Variants in SEZ6L2 observed in about 807,000 individuals in gnomAD.
SEZ6L2 encodes the protein seizure 6-like protein 2.
Under a neutral mutation model 97.0 loss-of-function variants are expected in SEZ6L2, and 44 were observed. That is an observed-to-expected ratio of 0.45 (90% CI 0.36 to 0.58). SEZ6L2 has a LOEUF of 0.58. Ranked by LOEUF, SEZ6L2 falls within the 20% of genes least tolerant of loss-of-function variation. The probability of loss-of-function intolerance (pLI) is 0.00; values close to 1 mark genes in which losing one functional copy is unlikely to be tolerated. For synonymous variants in SEZ6L2, 543 were observed against 546.1 expected (o/e 0.99, Z 0.08); for missense variants, 1,086 against 1,233.3 (o/e 0.88, Z 1.79).
In SEZ6L2 at chr16:29,895,336, C is replaced by G; in HGVS notation, c.776G>C (p.Ser259Thr). 1.2e-6 allele frequency: 2 copies of G among 1,614,152 alleles called. No individual in the cohort carries two copies. The highest frequency in any genetic ancestry group is 1.7e-6 in the Non-Finnish European group (2 of 1,180,032). ...SMLGEGQVLR[S>T]PTNRLLLHFQ... ...GTGCAGAAGCAGCCGGTTGGTTGGG[C>G]TCCGAAGGACTTGTCCTTCTCCAAG... The change falls in exon 5 of 18, where the codon AGC (serine) becomes ACC (threonine). Residue 259 changes from serine (S) to threonine (T), a missense_variant. Ser to Thr is a moderately conservative substitution (Grantham distance 58). Coordinates refer to ENST00000617533, the MANE Select transcript of SEZ6L2 (RefSeq NM_001243332.2).
Position 29,873,338 on chromosome 16 carries a change from A to G in SEZ6L2, c.2390T>C (p.Phe797Ser). The G allele has an allele frequency of 6.2e-7, 1 of 1,614,230 alleles. No homozygotes were observed. The highest frequency in any genetic ancestry group is 8.5e-7 in the Non-Finnish European group (1 of 1,180,040). ...HHYQAGESLR[F>S]FCYEGFELIG... is the part of the protein sequence containing the mutation. ...AAGCTCAAAGCCCTCATAGCAGAAG[A>G]AGCGCAGAGACTCGCCCGCCTGGTA... Residue 797 changes from phenylalanine to serine, a missense_variant, in exon 14 of 18, where the codon TTC becomes TCC. Phe to Ser is a radical substitution (Grantham distance 155, BLOSUM62 -2). Transcript: ENST00000617533. The surrounding 1 kb of genome is among the most constrained non-coding windows in gnomAD (Gnocchi z 4.3).
In SEZ6L2 at chr16:29,882,691, G is replaced by A. The variant is rs780927528; in HGVS notation, c.1373-2627C>T. On this transcript the variant is annotated intron_variant, in intron 8 of 17. Transcript: ENST00000617533. ...CAGCCTTGACCTCCTGAGCTCAAGC[G>A]ATCCTCCTGCCTCAGCCTCCCAAGC... Among the ~76,000 whole-genome samples the A allele has an allele frequency of 7.9e-5, 12 of 152,090 alleles. No homozygotes were observed. In the Middle Eastern group the frequency reaches 0.01, roughly 129 times the overall value.
intron 3 of SEZ6L2, among the ~76,000 whole-genome samples, chr16:29,896,532 C>T (rs1477573996): frequency 3.9e-5 from 6 of 152,170 alleles, no homozygotes; most frequent in African/African-American, 1.4e-4. Context: ...GCCCGCCTGG[C>T]CTCCCAAAGT....
At chr16:29,877,600 G>T in intron 10 of SEZ6L2, 133 bp from the exon 11 acceptor site, 1 of 830,632 alleles carries the variant, frequency 1.2e-6, no homozygotes, top group Non-Finnish European at 1.8e-6. Context: ...CCTATCCCAG[G>T]TCTGGCGCCG....
At chr16:29,896,662 C>T (rs763522234) in intron 3 of SEZ6L2, among the ~76,000 whole-genome samples, 160 bp downstream of exon 3, 1 of 152,162 alleles carries the variant, frequency 6.6e-6, no homozygotes, top group Non-Finnish European at 1.5e-5. Flanking sequence ...TGGAACACTG[C>T]CTGGTACATA....
intron 8 of SEZ6L2, among the ~76,000 whole-genome samples, chr16:29,885,070 C>T (rs1388528083): frequency 2.8e-5 from 4 of 142,684 alleles, no homozygotes; most frequent in South Asian, 2.2e-4. Context: ...TAGTCGGGCG[C>T]GGTGGCGGGT....
chr16:29,885,331 CT>C (rs1416518836), intron 8 of SEZ6L2, among the ~76,000 whole-genome samples: 2 of 152,154 alleles, frequency 1.3e-5, no homozygotes, highest in African/African-American at 2.4e-5. Context: ...AACCGAGATA[CT>C]GAGATAACTG....
In SEZ6L2 at chr16:29,877,395, C is replaced by G. The variant is rs1273870223; in HGVS notation, c.1785G>C (p.Gln595His). 2 of 1,613,300 alleles carry G rather than the reference C, an allele frequency of 1.2e-6. No individual in the cohort carries two copies. The highest frequency in any genetic ancestry group is 4.5e-5 in the East Asian group (2 of 44,874). The change falls in exon 11 of 18, where the codon CAG (glutamine) becomes CAC (histidine). Residue 595 changes from glutamine to histidine, a missense_variant. Around this residue, in one of 2 missense-constraint regions of SEZ6L2, gnomAD observed 776 missense variants for 794.7 expected, o/e 0.98. Coordinates refer to ENST00000617533, the MANE Select transcript of SEZ6L2 (RefSeq NM_001243332.2). ...GDGPSARVLA[Q>H]LRGPQPRRRL... ...GGCGGCGCGGCTGAGGTCCCCGCAG[C>G]TGGGCCAAGACTCGGGCGCTGGGAC...
In SEZ6L2 at chr16:29,897,982, G is replaced by C; in HGVS notation, c.82C>G (p.Leu28Val). Reference sequence around the variant, plus strand: ...AATATCTCCTCCTCCTTCAGGGGCAGACCTAGGAGGTGAAGTTGTGTGAGC... The same window carrying C: ...AATATCTCCTCCTCCTTCAGGGGCACACCTAGGAGGTGAAGTTGTGTGAGC... ...ILLSCPWIQG[L>V]PLKEEEILPE... Residue 28 changes from leucine to valine, a missense_variant and splice_region_variant, in exon 2 of 18, where the codon CTG (leucine) becomes GTG (valine). Leu to Val is a conservative substitution (Grantham distance 32). Coordinates refer to ENST00000617533, the MANE Select transcript of SEZ6L2 (RefSeq NM_001243332.2). The C allele has an allele frequency of 6.2e-7, 1 of 1,612,924 alleles. No individual in the cohort carries two copies. The highest frequency in any genetic ancestry group is 1.1e-5 in the South Asian group (1 of 90,948).
intron 8 of SEZ6L2, among the ~76,000 whole-genome samples, chr16:29,883,211 A>G (rs531425255): frequency 2.6e-5 from 4 of 151,772 alleles, no homozygotes; most frequent in Non-Finnish European, 4.4e-5. Flanking sequence ...TGTTTATACA[A>G]CTCCTCTGTT....
chr16:29,897,026 G>C lies in SEZ6L2; in HGVS notation c.307C>G (p.Leu103Val). ...PRATEPGTGP[L>V]TTAVTPNGVR... is the part of the protein sequence containing the mutation. ...CCGTTAGGGGTGACGGCTGTTGTCA[G>C]AGGCCCTGTCCCCGGCTCAGTGGCC... Residue 103 changes from leucine (L) to valine (V), a missense_variant, in exon 3 of 18, where the codon CTG becomes GTG. This residue lies in a region of SEZ6L2 where 776 missense variants were observed against 794.7 expected (regional missense o/e 0.98). Transcript: ENST00000617533. 6.3e-7 allele frequency: 1 copy of C among 1,581,746 alleles called. No individual in the cohort carries two copies. The highest frequency in any genetic ancestry group is 2.3e-5 in the East Asian group (1 of 43,930).
chr16:29,873,662 G>C lies in SEZ6L2; in HGVS notation c.2172C>G (p.Pro724=). 1 of 1,613,438 alleles carries C rather than the reference G, an allele frequency of 6.2e-7. No homozygotes were observed. The highest frequency in any genetic ancestry group is 8.5e-7 in the Non-Finnish European group (1 of 1,179,862). ...AGCGGTACTGGACGTGGGAGCCAAC[G>C]GGGAAGCCGGCGTCCGAGGCGGTGC... is the stretch of plus-strand genomic sequence containing the variant. ...GHRTASDAGF[P]VGSHVQYRCL... Residue 724 remains proline, a synonymous_variant, in exon 13 of 18, where the codon CCC becomes CCG. Transcript: ENST00000617533. The surrounding 1 kb of genome is among the most constrained non-coding windows in gnomAD (Gnocchi z 4.3).
intron 8 of SEZ6L2, 41 bp downstream of exon 8, chr16:29,885,545 G>A (rs781612883): frequency 1.1e-5 from 17 of 1,591,296 alleles, no homozygotes; most frequent in Non-Finnish European, 1.5e-5. Flanking sequence ...AAGAGGGGAA[G>A]GTGTGGCGGT....
In SEZ6L2 at chr16:29,897,856, G is replaced by A. The variant is rs760307720; in HGVS notation, c.208C>T (p.Pro70Ser). 6.2e-7 allele frequency: 1 copy of A among 1,602,296 alleles called. No homozygotes were observed. Residue 70 changes from proline to serine, a missense_variant, in exon 2 of 18, where the codon CCA becomes TCA. Physicochemically the swap from Pro to Ser is moderately conservative, Grantham distance 74 (BLOSUM62 -1). Around this residue, in one of 2 missense-constraint regions of SEZ6L2, gnomAD observed 776 missense variants for 794.7 expected, o/e 0.98. Transcript: ENST00000617533. ...LRRGPEMGYL[P>S]GSDRDPTLAT... ...CCTGCCACTCTGGGGGCCTCACCTG[G>A]CAGGTAGCCCATCTCTGGGCCCCTC...
rs1163553226 is a variant in SEZ6L2 at position 29,871,363 on chromosome 16, T to G, written c.*336A>C. 2 of 423,512 alleles carry G rather than the reference T, an allele frequency of 4.7e-6. No individual in the cohort carries two copies. Among genetic ancestry groups the G allele is most frequent in the African/African-American group, 2.0e-5 (1 of 50,028 alleles). The allele number at this position is 423,512 out of a possible 1,614,324, so 26.2% of individuals were successfully genotyped here. Reference sequence around the variant, plus strand: ...GGCACCTTCGTGGCCAAGGGAACAGTAGAGCTATCGGGGGCAGTCCTTGAG... The same window carrying G: ...GGCACCTTCGTGGCCAAGGGAACAGGAGAGCTATCGGGGGCAGTCCTTGAG... On this transcript the variant is annotated 3_prime_UTR_variant, in exon 18 of 18. Transcript: ENST00000617533.
chr16:29,873,274 G>A lies in SEZ6L2; in HGVS notation c.2454C>T (p.Pro818=). Residue 818 remains proline, a synonymous_variant, in exon 14 of 18, where the codon CCC becomes CCT. Coordinates refer to ENST00000617533, the MANE Select transcript of SEZ6L2 (RefSeq NM_001243332.2). This position sits in a 1 kb window ranked among gnomAD's most constrained non-coding sequence, Gnocchi z 4.3. ...EVTITCVPGH[P]SQWTSQPPLC... ...GTGGGGGCTGGCTGGTCCACTGGGA[G>A]GGGTGGCCGGGCACACAGGTGATGG... The A allele has an allele frequency of 6.2e-7, 1 of 1,614,086 alleles. No homozygotes were observed. Among genetic ancestry groups the A allele is most frequent in the Non-Finnish European group, 8.5e-7 (1 of 1,179,994 alleles).
Position 29,895,332 on chromosome 16 carries a change from T to C in SEZ6L2, c.780A>G (p.Pro260=). ...MLGEGQVLRS[P]TNRLLLHFQS... Reference sequence around the variant, plus strand: ...GGAAGTGCAGAAGCAGCCGGTTGGTTGGGCTCCGAAGGACTTGTCCTTCTC... The same window carrying C: ...GGAAGTGCAGAAGCAGCCGGTTGGTCGGGCTCCGAAGGACTTGTCCTTCTC... Residue 260 remains proline, a synonymous_variant, in exon 5 of 18, where the codon CCA becomes CCG. Transcript: ENST00000617533. The C allele has an allele frequency of 6.2e-7, 1 of 1,614,092 alleles. No individual in the cohort carries two copies.
Position 29,876,765 on chromosome 16 carries a change from A to C in SEZ6L2, c.2095T>G (p.Cys699Gly), listed in dbSNP as rs2067912961. The change falls in exon 12 of 18, where the codon TGC (cysteine) becomes GGC (glycine). Residue 699 changes from cysteine to glycine, a missense_variant. Around this residue, in one of 2 missense-constraint regions of SEZ6L2, gnomAD observed 310 missense variants for 438.6 expected, o/e 0.71. Coordinates refer to ENST00000617533, the MANE Select transcript of SEZ6L2 (RefSeq NM_001243332.2). This position sits in a 1 kb window ranked among gnomAD's most constrained non-coding sequence, Gnocchi z 6.5. ...DLSWSAAPPACQKIMTCADPG... is the reference protein window; with the variant it reads ...DLSWSAAPPAGQKIMTCADPG... ...GGCGGGGCCGGCTCACTCTTTTGGC[A>C]GGCGGGCGGCGCGGCGCTCCAAGAC... The C allele has an allele frequency of 6.5e-7, 1 of 1,548,462 alleles. No homozygotes were observed. Among genetic ancestry groups the C allele is most frequent in the Admixed American group, 1.9e-5 (1 of 51,404 alleles).
chr16:29,890,122 TG>T (rs1205663394), intron 5 of SEZ6L2, among the ~76,000 whole-genome samples: 2 of 152,114 alleles, frequency 1.3e-5, no homozygotes, highest in African/African-American at 4.8e-5. Context: ...TTGGCCAGGG[TG>T]GTCTCGAACT....
Sources: allele counts gnomAD v4.1 joint callset (sites outside exome capture counted in the v4.1 genomes callset), GRCh38; gene constraint gnomAD v4.1.1; regional missense constraint gnomAD v4.1.1; non-coding constraint Gnocchi (gnomAD v3.1); transcripts MANE v1.5; gene names NCBI Gene and HGNC (gene_info 2026-07-23, HGNC 2026-07-21).